Variants in LEMD3 observed in about 807,000 individuals in gnomAD.
The protein encoded by LEMD3 is LEM domain containing 3, also known as inner nuclear membrane protein Man1.
A neutral mutation model predicts 95.2 loss-of-function variants in LEMD3; 33 were observed. The ratio of observed to expected loss-of-function variants is 0.35; its 90% CI spans 0.26 to 0.46. LEMD3 has a LOEUF of 0.46. Among genes scored for constraint, LEMD3 ranks in the 20% least tolerant of loss-of-function variants. LEMD3 has a pLI of 1.00. For missense variants in LEMD3, 1,210 were observed against 1,192.8 expected, an observed-to-expected ratio of 1.01 and a Z score of -0.21; for synonymous variants, 525 against 474.6, an observed-to-expected ratio of 1.11 and a Z score of -1.38.
At position 65,170,852 on chromosome 12, in the gene LEMD3, C is replaced by G; in HGVS notation, c.1256C>G (p.Ser419Cys). 1 of 1,614,198 alleles carries G rather than the reference C, an allele frequency of 6.2e-7. No homozygotes were observed. The highest frequency in any genetic ancestry group is 1.1e-5 in the South Asian group (1 of 91,082). Residue 419 changes from serine to cysteine, a missense_variant, in exon 1 of 13, where the codon TCT (serine) becomes TGT (cysteine). By Grantham distance (112) the Ser-to-Cys change is moderately radical. Around this residue, in one of 2 missense-constraint regions of LEMD3, gnomAD observed 749 missense variants for 622.9 expected, o/e 1.20. Coordinates refer to ENST00000308330, the MANE Select transcript of LEMD3 (RefSeq NM_014319.5). ...SLPPSAAVAA[S>C]SSLRINHANH... Reference sequence around the variant, plus strand: ...CCTCCCAGTGCGGCGGTGGCCGCCTCTAGTTCACTCAGGATCAATCACGCC... The same window carrying G: ...CCTCCCAGTGCGGCGGTGGCCGCCTGTAGTTCACTCAGGATCAATCACGCC...
intron 1 of LEMD3, chr12:65,171,427 A>G: frequency 2.7e-6 from 1 of 365,062 alleles, no homozygotes; most frequent in Non-Finnish European, 5.2e-6. Context: ...CTGAAAGACT[A>G]TTTGCGCAGA....
At chr12:65,210,528 C>A (rs997644412) in intron 1 of LEMD3, among the ~76,000 whole-genome samples, 1 of 152,058 alleles carries the variant, frequency 6.6e-6, no homozygotes, top group Non-Finnish European at 1.5e-5. Context: ...TTGTTTATCT[C>A]ATTTAATCCT....
At position 65,247,364 on chromosome 12, in the gene LEMD3, T is replaced by C. The variant is rs1396849261; in HGVS notation, c.*1039T>C. ...ATCTATTTATAATTTAATGATATGTTAGTGCCTCTGTTATATGTCAAGTTT... is the reference window on the plus strand; with the variant it reads ...ATCTATTTATAATTTAATGATATGTCAGTGCCTCTGTTATATGTCAAGTTT... On this transcript the variant is annotated 3_prime_UTR_variant, in exon 13 of 13. Coordinates refer to ENST00000308330, the MANE Select transcript of LEMD3 (RefSeq NM_014319.5). The C allele has an allele frequency of 1.3e-5, 2 of 152,588 alleles. No individual in the cohort carries two copies. Among genetic ancestry groups the C allele is most frequent in the African/African-American group, 4.8e-5 (2 of 41,444 alleles). The allele number at this position is 152,588 out of a possible 1,614,324, so 9.5% of individuals were successfully genotyped here. A position where few individuals can be genotyped will look rare whatever the true frequency, so the allele number is the denominator to read the frequency against.
chr12:65,169,602 G>GGCGGCAGCAGCTTCGGC lies in LEMD3; in HGVS notation c.9_25dup (p.Pro9ArgfsTer29). ...TAAAACACCCTGGAGAGAAAATGGCGGCGGCAGCAGCTTCGGCGCCTCAGC... is the reference window on the plus strand; with the variant it reads ...TAAAACACCCTGGAGAGAAAATGGCGGCGGCAGCAGCTTCGGCGCGGCAGCAGCTTCGGCGCCTCAGC... On this transcript the variant is annotated frameshift_variant, in exon 1 of 13. Coordinates refer to ENST00000308330, the MANE Select transcript of LEMD3 (RefSeq NM_014319.5). LOFTEE classifies it high-confidence loss of function. 6.3e-7 allele frequency: 1 copy of GGCGGCAGCAGCTTCGGC among 1,587,858 alleles called. No homozygotes were observed. The highest frequency in any genetic ancestry group is 8.6e-7 in the Non-Finnish European group (1 of 1,169,254).
At chr12:65,243,310 TTG>T in intron 9 of LEMD3, 76 bp from the exon 10 acceptor site, 1 of 898,662 alleles carries the variant, frequency 1.1e-6, no homozygotes. Flanking sequence ...TGAATATTTT[TTG>T]AATGAACTGA....
chr12:65,200,704 G>T (rs1869572798), intron 1 of LEMD3, among the ~76,000 whole-genome samples: 2 of 151,832 alleles, frequency 1.3e-5, no homozygotes, highest in African/African-American at 2.4e-5. Flanking sequence ...CATCTATTTT[G>T]AATAGCAGTA....
At chr12:65,227,406 GA>G in intron 4 of LEMD3, among the ~76,000 whole-genome samples, 1 of 152,252 alleles carries the variant, frequency 6.6e-6, no homozygotes, top group South Asian at 2.1e-4. Context: ...CTTTTCAGAA[GA>G]ATGCTGAGAC....
intron 4 of LEMD3, among the ~76,000 whole-genome samples, chr12:65,236,783 A>G (rs1427621643): frequency 1.3e-5 from 2 of 152,218 alleles, no homozygotes; most frequent in African/African-American, 4.8e-5. Flanking sequence ...AAAGTATAGA[A>G]TAATCATACA....
chr12:65,198,966 GACAAATTAGATAGAGGCAGC>G (rs1180419841), intron 1 of LEMD3, among the ~76,000 whole-genome samples: 4 of 152,088 alleles, frequency 2.6e-5, no homozygotes, highest in Non-Finnish European at 5.9e-5. Context: ...GTCTTTAGCT[GACAAATTAGATAGAGGCAGC>G]ACCTTAATTG....
rs149872206 is a variant in LEMD3, at chr12:65,190,480, G to A, written c.1522+19362G>A. Among the ~76,000 whole-genome samples, 321 of 152,144 alleles carry A rather than the reference G, an allele frequency of 2.1e-3. 1 individual carries two copies. The highest frequency in any genetic ancestry group is 7.4e-3 in the African/African-American group (309 of 41,510). On this transcript the variant is annotated intron_variant, in intron 1 of 12. Transcript: ENST00000308330. ...CTTCATCTGCATGATAAAAACCTAGGTCTCTGCAACCCCTTCCTTTCTATA... is the reference window on the plus strand; with the variant it reads ...CTTCATCTGCATGATAAAAACCTAGATCTCTGCAACCCCTTCCTTTCTATA...
chr12:65,169,696 A>G lies in LEMD3; in HGVS notation c.100A>G (p.Ser34Gly). 2.5e-6 allele frequency: 4 copies of G among 1,585,172 alleles called. No homozygotes were observed. The highest frequency in any genetic ancestry group is 3.4e-6 in the Non-Finnish European group (4 of 1,166,362). ...CCTGTCTCCCGGACCAGTGACGGAG[A>G]GCACCCGCCCGGTCTACCTCAAGAA... ...YGLSPGPVTESTRPVYLKKLK... is the reference protein window; with the variant it reads ...YGLSPGPVTEGTRPVYLKKLK... Residue 34 changes from serine (S) to glycine (G), a missense_variant, in exon 1 of 13, where the codon AGC becomes GGC. This residue lies in a region of LEMD3 where 749 missense variants were observed against 622.9 expected (regional missense o/e 1.20). Transcript: ENST00000308330.
At chr12:65,218,644 A>G (rs771945321) in intron 4 of LEMD3, 25 bp downstream of exon 4, 5 of 1,394,676 alleles carry the variant, frequency 3.6e-6, no homozygotes, top group Non-Finnish European at 4.0e-6. Context: ...TAGAATTTTA[A>G]TAGCTATATT....
At chr12:65,199,651 A>G (rs904095828) in intron 1 of LEMD3, among the ~76,000 whole-genome samples, 2 of 152,148 alleles carry the variant, frequency 1.3e-5, no homozygotes, top group Non-Finnish European at 2.9e-5. Flanking sequence ...GGTCTTTGCA[A>G]AAGAGAGGGA....
At chr12:65,229,934 C>G (rs1237504730) in intron 4 of LEMD3, among the ~76,000 whole-genome samples, 1 of 152,102 alleles carries the variant, frequency 6.6e-6, no homozygotes, top group Admixed American at 6.6e-5. Context: ...TCTTTTAGTA[C>G]TTTAATAATT....
intron 4 of LEMD3, among the ~76,000 whole-genome samples, chr12:65,221,736 CTTT>C (rs57423350): frequency 2.4e-5 from 3 of 127,234 alleles, no homozygotes; most frequent in African/African-American, 9.0e-5. Context: ...GAAAATCTCT[CTTT>C]TTTTTTTTTT....
In LEMD3 at chr12:65,171,233, C is replaced by T. The variant is rs570092479; in HGVS notation, c.1522+115C>T. ...TACCTGCAAGAATATGGTTTAACAG[C>T]AAAAACGCAACAGTGCGTGCATGTG... On this transcript the variant is annotated intron_variant, in intron 1 of 12. Coordinates refer to ENST00000308330, the MANE Select transcript of LEMD3 (RefSeq NM_014319.5). The T allele has an allele frequency of 6.3e-5, 97 of 1,548,868 alleles. 1 individual carries two copies. The African/African-American group carries it at 1.2e-3, about 19-fold the overall frequency.
chr12:65,240,558 A>G (rs984109234), intron 8 of LEMD3: 1 of 410,420 alleles, frequency 2.4e-6, no homozygotes, highest in East Asian at 4.8e-5. Context: ...GTGTTTTACT[A>G]ATGTTTTTTA....
In LEMD3 at chr12:65,218,643, A is replaced by G. The variant is rs546032993; in HGVS notation, c.1695+24A>G. The G allele has an allele frequency of 5.7e-6, 8 of 1,407,462 alleles. No homozygotes were observed. In the South Asian group the frequency reaches 9.6e-5, roughly 17 times the overall value. The allele number at this position is 1,407,462 out of a possible 1,614,324, so 87.2% of individuals were successfully genotyped here. A position where few individuals can be genotyped will look rare whatever the true frequency, so the allele number is the denominator to read the frequency against. ...AAGTAAGCAATGAAATTAGAATTTT[A>G]ATAGCTATATTTTAAAAAATTATAT... On this transcript the variant is annotated intron_variant, in intron 4 of 12. Coordinates refer to ENST00000308330, the MANE Select transcript of LEMD3 (RefSeq NM_014319.5).
At position 65,170,064 on chromosome 12, in the gene LEMD3, C is replaced by CT; in HGVS notation, c.468_469insT (p.Gly157TrpfsTer28). The CT allele has an allele frequency of 6.6e-7, 1 of 1,510,470 alleles. No homozygotes were observed. The highest frequency in any genetic ancestry group is 2.5e-5 in the East Asian group (1 of 40,250). The allele number at this position is 1,510,470 out of a possible 1,614,324, so 93.6% of individuals were successfully genotyped here. A position where few individuals can be genotyped will look rare whatever the true frequency, so the allele number is the denominator to read the frequency against. On this transcript the variant is annotated frameshift_variant, in exon 1 of 13. Coordinates refer to ENST00000308330, the MANE Select transcript of LEMD3 (RefSeq NM_014319.5). LOFTEE classifies it high-confidence loss of function. Reference sequence around the variant, plus strand: ...CCAGTCCCCGGGACCAGGCCGGCGGCGGCGGGAGGAAAGACCGGGCTTCGC... The same window carrying CT: ...CCAGTCCCCGGGACCAGGCCGGCGGCTGGCGGGAGGAAAGACCGGGCTTCGC...
Sources: allele counts gnomAD v4.1 joint callset (sites outside exome capture counted in the v4.1 genomes callset), GRCh38; gene constraint gnomAD v4.1.1; regional missense constraint gnomAD v4.1.1; transcripts MANE v1.5; gene names NCBI Gene and HGNC (gene_info 2026-07-23, HGNC 2026-07-21).